The following PRKG1 variants were observed in gnomAD, a reference collection of about 807,000 sequenced individuals.
PRKG1 encodes the protein protein kinase cGMP-dependent 1.
Under a neutral mutation model 88.1 loss-of-function variants are expected in PRKG1, and 35 were observed. That is an observed-to-expected ratio of 0.40 (90% CI 0.30 to 0.53). The LOEUF (loss-of-function observed/expected upper bound fraction) is 0.53. Ranked by LOEUF, PRKG1 falls within the 20% of genes least tolerant of loss-of-function variation. The pLI, the probability that PRKG1 is intolerant of heterozygous loss-of-function variation, is 0.59. For missense variants in PRKG1, 540 were observed against 839.8 expected, an observed-to-expected ratio of 0.64 and a Z score of 4.41; for synonymous variants, 303 against 292.5, an observed-to-expected ratio of 1.04 and a Z score of -0.37.
intron 2 of PRKG1, among the ~76,000 whole-genome samples, chr10:51,211,637 T>A (rs1475828491): frequency 6.6e-6 from 1 of 152,184 alleles, no homozygotes; most frequent in Non-Finnish European, 1.5e-5. Flanking sequence ...ACAAAATCAA[T>A]GTACAAAAAT....
chr10:52,143,464 T>C (rs1311074417), intron 8 of PRKG1, among the ~76,000 whole-genome samples: 1 of 152,164 alleles, frequency 6.6e-6, no homozygotes, highest in East Asian at 1.9e-4. Flanking sequence ...AAATGTCTCC[T>C]GTGGGGTGAA....
At position 51,221,164 on chromosome 10, in the gene PRKG1, T is replaced by A. The variant is rs1326639845; in HGVS notation, c.478+67834T>A. ...AAATATAGTTTTCTTTTAATTTTTT[T>A]AAATTTTGTAAAAATGTAAGACATA... On this transcript the variant is annotated intron_variant, in intron 2 of 17. Transcript: ENST00000373980. 4.6e-5 allele frequency among the ~76,000 whole-genome samples: 7 copies of A among 152,182 alleles called. No homozygotes were observed. In the East Asian group the frequency reaches 1.3e-3, roughly 29 times the overall value.
At chr10:51,034,109 A>G (rs1463009457) in intron 1 of PRKG1, among the ~76,000 whole-genome samples, 2 of 152,204 alleles carry the variant, frequency 1.3e-5, no homozygotes, top group Non-Finnish European at 2.9e-5. Context: ...TCACATTTGG[A>G]CATTACAGTT....
At position 51,589,013 on chromosome 10, in the gene PRKG1, G is replaced by C. The variant is rs182025217; in HGVS notation, c.592+121177G>C. On this transcript the variant is annotated intron_variant, in intron 3 of 17. Coordinates refer to ENST00000373980, the MANE Select transcript of PRKG1 (RefSeq NM_006258.4). ...GGAGAGGGTTATACATGTTAAGTGT[G>C]AGCTTAATATGAATAAATACATCTA... 1.2e-3 allele frequency among the ~76,000 whole-genome samples: 185 copies of C among 152,192 alleles called. 1 individual carries two copies. Among genetic ancestry groups the C allele is most frequent in the Non-Finnish European group, 2.3e-3 (159 of 68,010 alleles).
chr10:51,560,547 A>T (rs909261391), intron 3 of PRKG1, among the ~76,000 whole-genome samples: 37 of 152,094 alleles, frequency 2.4e-4, no homozygotes, highest in Non-Finnish European at 4.1e-4. Flanking sequence ...AAAAGTTGCA[A>T]AGAAAATACC....
intron 9 of PRKG1, among the ~76,000 whole-genome samples, chr10:52,237,346 G>A (rs2132366928): frequency 7.1e-6 from 1 of 140,214 alleles, no homozygotes. Flanking sequence ...AGGAAATAAA[G>A]GGTATTCAAT....
At chr10:51,004,251 G>A (rs1447722262) in intron 1 of PRKG1, among the ~76,000 whole-genome samples, 2 of 152,142 alleles carry the variant, frequency 1.3e-5, no homozygotes, top group African/African-American at 4.8e-5. Flanking sequence ...ATCACCTGAG[G>A]CTGGGAGTTC....
intron 2 of PRKG1, among the ~76,000 whole-genome samples, chr10:51,358,407 A>T (rs1189303): frequency 6.6e-6 from 1 of 151,964 alleles, no homozygotes; most frequent in African/African-American, 2.4e-5. Context: ...GACAGACACA[A>T]CTCTCAAGTG....
intron 6 of PRKG1, 71 bp downstream of exon 6, chr10:52,054,632 C>A: frequency 1.6e-6 from 2 of 1,261,960 alleles, no homozygotes; most frequent in Non-Finnish European, 2.3e-6. Flanking sequence ...CCAGTAGGAA[C>A]ACATGCAGAG....
rs375481828 is a variant in PRKG1, at chr10:51,507,976, A to G, written c.592+40140A>G. ...CTTAAATAACTCCATGTCTAAAACAAGGAATTGTGAATATACTATTGAGAG... is the reference window on the plus strand; with the variant it reads ...CTTAAATAACTCCATGTCTAAAACAGGGAATTGTGAATATACTATTGAGAG... On this transcript the variant is annotated intron_variant, in intron 3 of 17. Transcript: ENST00000373980. Among the ~76,000 whole-genome samples the G allele has an allele frequency of 1.4e-3, 212 of 152,300 alleles. 3 individuals are homozygous for G. The South Asian group carries it at 0.031, about 22-fold the overall frequency.
chr10:51,069,315 A>G (rs1424645821), intron 1 of PRKG1, among the ~76,000 whole-genome samples: 4 of 151,994 alleles, frequency 2.6e-5, no homozygotes. Context: ...AAACTATTTC[A>G]ATTTTTACTT....
intron 2 of PRKG1, among the ~76,000 whole-genome samples, chr10:51,338,782 T>A (rs1452693466): frequency 6.6e-6 from 1 of 152,246 alleles, no homozygotes; most frequent in African/African-American, 2.4e-5. Context: ...TGTACAGTCA[T>A]AAATATTACC....
chr10:51,565,165 G>A (rs1342529159), intron 3 of PRKG1, among the ~76,000 whole-genome samples: 1 of 152,014 alleles, frequency 6.6e-6, no homozygotes, highest in Non-Finnish European at 1.5e-5. Flanking sequence ...GTCTACTGCT[G>A]CCCTCTCAAA....
chr10:52,082,974 G>A (rs1168498412), intron 7 of PRKG1, among the ~76,000 whole-genome samples: 1 of 151,992 alleles, frequency 6.6e-6, no homozygotes, highest in Non-Finnish European at 1.5e-5. Flanking sequence ...ATATATGCTG[G>A]ATATTTGCAG....
intron 1 of PRKG1, among the ~76,000 whole-genome samples, chr10:51,030,484 T>C (rs1843269006): frequency 6.6e-6 from 1 of 152,138 alleles, no homozygotes; most frequent in South Asian, 2.1e-4. Context: ...AGAAAGTGCT[T>C]CCTGATGCAA....
chr10:51,069,934 T>C (rs1418953505), upstream of PRKG1, among the ~76,000 whole-genome samples: 1 of 152,086 alleles, frequency 6.6e-6, no homozygotes, highest in Non-Finnish European at 1.5e-5. Context: ...CAGAATGTAA[T>C]CTTGTTGAAA....
intron 9 of PRKG1, among the ~76,000 whole-genome samples, chr10:52,187,730 A>T (rs7074307): frequency 1 from 152,153 of 152,330 alleles, 75,988 homozygotes; most frequent in Middle Eastern, 1. Context: ...ATGATAACTA[A>T]TCCCCAAATG....
At chr10:51,390,973 A>T (rs1837380567) in intron 2 of PRKG1, among the ~76,000 whole-genome samples, 1 of 152,122 alleles carries the variant, frequency 6.6e-6, no homozygotes, top group African/African-American at 2.4e-5. Context: ...CGCAAAGATA[A>T]TTGGTTTTGA....
chr10:51,773,903 C>T (rs1322914093), intron 3 of PRKG1, among the ~76,000 whole-genome samples: 1 of 151,994 alleles, frequency 6.6e-6, no homozygotes, highest in Non-Finnish European at 1.5e-5. Flanking sequence ...TCATTTTCAC[C>T]CTCAAACTCA....
Sources: allele counts gnomAD v4.1 joint callset (sites outside exome capture counted in the v4.1 genomes callset), GRCh38; gene constraint gnomAD v4.1.1; transcripts MANE v1.5; gene names NCBI Gene and HGNC (gene_info 2026-07-23, HGNC 2026-07-21).